EIF3B: variants seen among roughly 807,000 people sequenced by gnomAD.
The protein encoded by EIF3B is eukaryotic translation initiation factor 3 subunit B, also known as eukaryotic translation initiation factor 3 subunit 9.
A neutral mutation model predicts 104.6 loss-of-function variants in EIF3B; 10 were observed. The ratio of observed to expected loss-of-function variants is 0.10; its 90% CI spans 0.06 to 0.16. The LOEUF is 0.16. Among genes scored for constraint, EIF3B ranks in the 10% least tolerant of loss-of-function variants. The probability of loss-of-function intolerance (pLI) is 1.00; values close to 1 mark genes in which losing one functional copy is unlikely to be tolerated. For synonymous variants in EIF3B, 542 were observed against 417.2 expected, an observed-to-expected ratio of 1.30 and a Z score of -3.65; for missense variants, 1,014 against 1,087.9, an observed-to-expected ratio of 0.93 and a Z score of 0.96.
At chr7:2,367,095 A>G in intron 9 of EIF3B, 50 bp downstream of exon 9, 1 of 1,352,760 alleles carries the variant, frequency 7.4e-7, no homozygotes, top group Non-Finnish European at 9.8e-7. Flanking sequence ...GCTGCTTAAC[A>G]CAATACCAAA....
At position 2,364,411 on chromosome 7, in the gene EIF3B, A is replaced by C. The variant is rs745425816; in HGVS notation, c.1039A>C (p.Thr347Pro). 4.3e-6 allele frequency: 7 copies of C among 1,612,848 alleles called. No individual in the cohort carries two copies. The change falls in exon 6 of 19, where the codon ACC (threonine) becomes CCC (proline). Residue 347 changes from threonine (T) to proline (P), a missense_variant. This residue lies in a region of EIF3B where 201 missense variants were observed against 240.7 expected (regional missense o/e 0.83). Coordinates refer to ENST00000360876, the MANE Select transcript of EIF3B (RefSeq NM_001037283.2). ...GTATGTGCGTTGGTCTCCTAAGGGC[A>C]CCTACCTGGCTACCTTTCATCAAAG... ...ETYVRWSPKG[T>P]YLATFHQRGI...
intron 14 of EIF3B, 104 bp downstream of exon 14, chr7:2,375,631 G>T: frequency 6.5e-7 from 1 of 1,528,304 alleles, no homozygotes; most frequent in Non-Finnish European, 8.9e-7. Context: ...GGGGCACCAA[G>T]CCTCTGTGTT....
chr7:2,371,936 C>A, intron 11 of EIF3B, 87 bp downstream of exon 11: 1 of 1,041,578 alleles, frequency 9.6e-7, no homozygotes, highest in South Asian at 1.3e-5. Context: ...GAGGGGTTGT[C>A]TGAGCAGCTG....
intron 1 of EIF3B, among the ~76,000 whole-genome samples, chr7:2,359,419 A>T (rs1779620040): frequency 6.6e-6 from 1 of 152,104 alleles, no homozygotes; most frequent in South Asian, 2.1e-4. Flanking sequence ...CTATAATGAG[A>T]TCTTCATAGA....
intron 10 of EIF3B, 23 bp downstream of exon 10, chr7:2,369,705 T>G: frequency 1.2e-6 from 2 of 1,606,404 alleles, no homozygotes. Flanking sequence ...CCACAGGAAC[T>G]GACGATTCCT....
chr7:2,356,000 C>T (rs1024043103), intron 1 of EIF3B, among the ~76,000 whole-genome samples: 4 of 152,116 alleles, frequency 2.6e-5, no homozygotes, highest in African/African-American at 9.7e-5. Flanking sequence ...GTTATTTTTC[C>T]AGGTTTTAAT....
In EIF3B at chr7:2,366,319, A is replaced by G. The variant is rs779435465; in HGVS notation, c.1160A>G (p.Tyr387Cys). The G allele has an allele frequency of 1.5e-5, 24 of 1,604,290 alleles. No individual in the cohort carries two copies. Among genetic ancestry groups the G allele is most frequent in the Non-Finnish European group, 2.0e-5 (23 of 1,175,938 alleles). Residue 387 changes from tyrosine to cysteine, a missense_variant and splice_region_variant, in exon 7 of 19, where the codon TAC becomes TGC. Coordinates refer to ENST00000360876, the MANE Select transcript of EIF3B (RefSeq NM_001037283.2). ...ACAGTGTTGCCCTTCTCTTCTAGGT[A>G]CCTGGTGACCTTTAGCCCCCTGATG... is the stretch of plus-strand genomic sequence containing the variant. ...QLIDFSPCER[Y>C]LVTFSPLMDT... is the part of the protein sequence containing the mutation.
chr7:2,363,868 T>C, intron 5 of EIF3B, 108 bp downstream of exon 5: 2 of 1,325,866 alleles, frequency 1.5e-6, no homozygotes, highest in Non-Finnish European at 2.0e-6. Context: ...GACGTTATAT[T>C]TTCTTTGAGA....
At chr7:2,362,614 G>C in intron 2 of EIF3B, 31 bp from the exon 3 acceptor site, 2 of 1,613,678 alleles carry the variant, frequency 1.2e-6, no homozygotes, top group Middle Eastern at 1.7e-4. Flanking sequence ...CTTACAGTGT[G>C]GGTATGTGCC....
At position 2,364,356 on chromosome 7, in the gene EIF3B, C is replaced by A; in HGVS notation, c.1000-16C>A. ...CCATTTTGTTGTATTAACGTTGGCA[C>A]TGCCTTTTTCTGCAGAGATGGACAG... On this transcript the variant is annotated splice_polypyrimidine_tract_variant and intron_variant, in intron 5 of 18. Transcript: ENST00000360876. 1 of 1,571,936 alleles carries A rather than the reference C, an allele frequency of 6.4e-7. No individual in the cohort carries two copies. The highest frequency in any genetic ancestry group is 1.2e-5 in the South Asian group (1 of 81,712).
In EIF3B at chr7:2,366,347, C is replaced by T; in HGVS notation, c.1188C>T (p.Asp396=). 1 of 1,612,764 alleles carries T rather than the reference C, an allele frequency of 6.2e-7. No homozygotes were observed. The change falls in exon 7 of 19, where the codon GAC becomes GAT. Residue 396 remains aspartate (D), a synonymous_variant. Coordinates refer to ENST00000360876, the MANE Select transcript of EIF3B (RefSeq NM_001037283.2). The part of the protein sequence containing the change: ...RYLVTFSPLM[D]TQDDPQAIII... Reference sequence around the variant, plus strand: ...TGGTGACCTTTAGCCCCCTGATGGACACGCAGGATGACCCTCAGGCCATAA... The same window carrying T: ...TGGTGACCTTTAGCCCCCTGATGGATACGCAGGATGACCCTCAGGCCATAA...
intron 8 of EIF3B, 185 bp from the exon 9 acceptor site, chr7:2,366,814 C>A: frequency 1.3e-6 from 1 of 792,274 alleles, no homozygotes; most frequent in Non-Finnish European, 2.1e-6. Flanking sequence ...GGAGTTAATG[C>A]AGTGGGCTTC....
chr7:2,371,109 A>G (rs1467692339), intron 10 of EIF3B, among the ~76,000 whole-genome samples: 4 of 152,260 alleles, frequency 2.6e-5, no homozygotes, highest in Non-Finnish European at 4.4e-5. Flanking sequence ...ACAAAGAAAC[A>G]ACATACCTGT....
chr7:2,378,192 C>G (rs1169983358), intron 15 of EIF3B: 1 of 136,486 alleles, frequency 7.3e-6, no homozygotes, highest in Admixed American at 7.2e-5. Flanking sequence ...GGCGCGAGCG[C>G]TCCTGGGAAG....
At chr7:2,357,196 A>C (rs1382693631) in intron 1 of EIF3B, among the ~76,000 whole-genome samples, 2 of 152,132 alleles carry the variant, frequency 1.3e-5, no homozygotes, top group African/African-American at 4.8e-5. Flanking sequence ...TTACTTCTGG[A>C]ATTGGGAAGA....
intron 6 of EIF3B, 90 bp downstream of exon 6, chr7:2,364,619 CT>C: frequency 7.9e-7 from 1 of 1,271,930 alleles, no homozygotes; most frequent in Non-Finnish European, 1.1e-6. Context: ...GCATTTCAAA[CT>C]TAGTAGAAAA....
chr7:2,372,854 G>A (rs371732943), intron 12 of EIF3B, 59 bp downstream of exon 12: 67 of 1,578,192 alleles, frequency 4.2e-5, no homozygotes, highest in East Asian at 3.8e-4. Context: ...TGACCCAGTC[G>A]CTGCCCAACA....
intron 9 of EIF3B, 60 bp from the exon 10 acceptor site, chr7:2,369,412 G>C (rs920811620): frequency 5.1e-6 from 8 of 1,556,314 alleles, no homozygotes; most frequent in Non-Finnish European, 7.1e-6. Flanking sequence ...ATTCTCTTCT[G>C]CTTTTCAGTT....
At chr7:2,363,186 G>T (rs1353572256) in intron 4 of EIF3B, 59 bp downstream of exon 4, 38 of 1,510,968 alleles carry the variant, frequency 2.5e-5, no homozygotes, top group Non-Finnish European at 3.2e-5. Context: ...GGTGTGGTGG[G>T]TCACACCTGC....
Sources: gnomAD v4.1 joint callset for allele counts (sites outside exome capture counted in the v4.1 genomes callset) on GRCh38, gnomAD v4.1.1 for gene constraint, gnomAD v4.1.1 regional missense constraint, MANE v1.5 for transcripts, NCBI Gene and HGNC (gene_info 2026-07-23, HGNC 2026-07-21) for gene names.